Variants in FBRSL1 observed in about 807,000 individuals in gnomAD.
FBRSL1 encodes fibrosin-1-like protein.
Under a neutral mutation model 89.6 loss-of-function variants are expected in FBRSL1, and 51 were observed. The observed-to-expected ratio is 0.57, with a 90% confidence interval of 0.45 to 0.72. The LOEUF (loss-of-function observed/expected upper bound fraction) is 0.72, where lower values mean the gene tolerates loss of function less well. Among genes scored for constraint, FBRSL1 ranks in the 30% least tolerant of loss-of-function variants. The pLI is 0.00. For synonymous variants in FBRSL1, 779 were observed against 681.1 expected, an observed-to-expected ratio of 1.14 and a Z score of -2.24; for missense variants, 1,618 against 1,451.8, an observed-to-expected ratio of 1.11 and a Z score of -1.86.
At position 132,574,085 on chromosome 12, in the gene FBRSL1, C is replaced by T. The variant is rs1422825356; in HGVS notation, c.1531-5C>T. Reference sequence around the variant, plus strand: ...CGCACACAAGCTGTCTCTTTCTCCCCTCAGACTTCAAGCCCCATTGAGGTG... The same window carrying T: ...CGCACACAAGCTGTCTCTTTCTCCCTTCAGACTTCAAGCCCCATTGAGGTG... On this transcript the variant is annotated splice_polypyrimidine_tract_variant and splice_region_variant and intron_variant, in intron 11 of 18. Transcript: ENST00000680143. 1.5e-6 allele frequency: 2 copies of T among 1,302,958 alleles called. No individual in the cohort carries two copies. Among genetic ancestry groups the T allele is most frequent in the Non-Finnish European group, 1.9e-6 (2 of 1,027,542 alleles). The allele number at this position is 1,302,958 out of a possible 1,614,324, so 80.7% of individuals were successfully genotyped here. A position where few individuals can be genotyped will look rare whatever the true frequency, so the allele number is the denominator to read the frequency against.
intron 4 of FBRSL1, among the ~76,000 whole-genome samples, chr12:132,531,548 TGC>T (rs1593368123): frequency 7.6e-6 from 1 of 132,286 alleles, no homozygotes; most frequent in African/African-American, 2.6e-5. Context: ...CCTCTGTGTG[TGC>T]GTGTGTGTGT....
At chr12:132,548,726 G>A (rs770685763) in intron 5 of FBRSL1, among the ~76,000 whole-genome samples, 5 of 152,188 alleles carry the variant, frequency 3.3e-5, no homozygotes, top group Non-Finnish European at 5.9e-5. Context: ...GTCCCGGCCC[G>A]TAACCACTGC....
chr12:132,575,420 G>A (rs1293368608), intron 14 of FBRSL1, among the ~76,000 whole-genome samples: 1 of 152,164 alleles, frequency 6.6e-6, no homozygotes, highest in Admixed American at 6.5e-5. Context: ...GTAGAGACGG[G>A]GTTTCACCAT....
At chr12:132,526,810 C>A (rs1358260676) in intron 3 of FBRSL1, among the ~76,000 whole-genome samples, 1 of 152,184 alleles carries the variant, frequency 6.6e-6, no homozygotes, top group Non-Finnish European at 1.5e-5. Flanking sequence ...ACTTGCCCAG[C>A]TCAGTGACCC....
intron 5 of FBRSL1, chr12:132,551,909 T>G (rs928563558): frequency 6.8e-6 from 2 of 292,554 alleles, no homozygotes; most frequent in South Asian, 3.2e-5. Context: ...CTCCTCCTGC[T>G]GCCGGGGGCT....
intron 5 of FBRSL1, among the ~76,000 whole-genome samples, chr12:132,557,357 C>T (rs987480863): frequency 1.3e-5 from 2 of 152,240 alleles, no homozygotes; most frequent in South Asian, 2.1e-4. Context: ...ATTCCCACTC[C>T]GCTTCCTTCT....
At chr12:132,527,834 A>AGCTGCAGG in intron 3 of FBRSL1, 119 bp from the exon 4 acceptor site, 1 of 868,230 alleles carries the variant, frequency 1.2e-6, no homozygotes, top group Non-Finnish European at 1.8e-6. Flanking sequence ...CAGGGCTGTG[A>AGCTGCAGG]GCTGCAGGGC....
intron 2 of FBRSL1, among the ~76,000 whole-genome samples, chr12:132,525,101 C>T (rs993392959): frequency 6.6e-6 from 1 of 152,194 alleles, no homozygotes; most frequent in Non-Finnish European, 1.5e-5. Context: ...AGTATGGGTG[C>T]TCCCTTCAGC....
chr12:132,503,223 T>A (rs1593254515), intron 1 of FBRSL1, among the ~76,000 whole-genome samples: 1 of 150,422 alleles, frequency 6.6e-6, no homozygotes, highest in East Asian at 2.0e-4. Flanking sequence ...GCAGCCACCA[T>A]GCTTTTGGTG....
intron 2 of FBRSL1, chr12:132,509,774 C>T (rs2136611834): frequency 8.1e-7 from 1 of 1,231,428 alleles, no homozygotes. Context: ...GTAGGGCATC[C>T]TCAGGACAGC....
At chr12:132,508,428 C>T (rs1156229915) in intron 2 of FBRSL1, 78 bp downstream of exon 2, 7 of 1,404,818 alleles carry the variant, frequency 5.0e-6, no homozygotes, top group Non-Finnish European at 6.5e-6. Context: ...AGCACCTGGA[C>T]ACCACGCCAC....
intron 1 of FBRSL1, among the ~76,000 whole-genome samples, chr12:132,504,993 G>A (rs947853753): frequency 1.1e-4 from 16 of 152,186 alleles, no homozygotes; most frequent in Admixed American, 2.6e-4. Flanking sequence ...TTAGCTGGGC[G>A]TGGTGACCTG....
chr12:132,513,881 G>A (rs1404067612), intron 2 of FBRSL1, among the ~76,000 whole-genome samples: 1 of 152,216 alleles, frequency 6.6e-6, no homozygotes, highest in Non-Finnish European at 1.5e-5. Context: ...CAGGGAGGGA[G>A]GGGTGTGAGC....
intron 9 of FBRSL1, 75 bp from the exon 10 acceptor site, chr12:132,572,213 C>A: frequency 7.1e-7 from 1 of 1,400,994 alleles, no homozygotes; most frequent in Non-Finnish European, 9.8e-7. Flanking sequence ...CCCAGCCCGG[C>A]CAGGTGGGCG....
intron 2 of FBRSL1, chr12:132,510,004 AG>A: frequency 8.1e-7 from 1 of 1,231,440 alleles, no homozygotes. Flanking sequence ...CGCCCCAGGC[AG>A]CCCCAGCGGT....
chr12:132,572,096 C>T, intron 9 of FBRSL1, 192 bp from the exon 10 acceptor site: 1 of 598,086 alleles, frequency 1.7e-6, no homozygotes, highest in South Asian at 2.0e-5. Flanking sequence ...GCAGGGCCGC[C>T]CTGGTCTGAG....
At position 132,583,878 on chromosome 12, in the gene FBRSL1, C is replaced by A; in HGVS notation, c.*100C>A. Reference sequence around the variant, plus strand: ...ACAGCTCCCGCCGATCCTGGGGCGGCGCCGCCTCTCCACCCGCAGCCTGCG... The same window carrying A: ...ACAGCTCCCGCCGATCCTGGGGCGGAGCCGCCTCTCCACCCGCAGCCTGCG... On this transcript the variant is annotated 3_prime_UTR_variant, in exon 19 of 19. Coordinates refer to ENST00000680143, the MANE Select transcript of FBRSL1 (RefSeq NM_001367871.1). 1 of 624,720 alleles carries A rather than the reference C, an allele frequency of 1.6e-6. No individual in the cohort carries two copies. The highest frequency in any genetic ancestry group is 2.1e-6 in the Non-Finnish European group (1 of 469,736). 38.7% of individuals were successfully genotyped at this position (624,720 alleles called of 1,614,324 possible).
chr12:132,572,917 C>T (rs1389682439), intron 11 of FBRSL1, among the ~76,000 whole-genome samples: 2 of 152,228 alleles, frequency 1.3e-5, no homozygotes, highest in African/African-American at 2.4e-5. Context: ...CAGTCCTTGG[C>T]AGGAGGCCCT....
intron 5 of FBRSL1, among the ~76,000 whole-genome samples, chr12:132,548,899 A>G (rs2037916728): frequency 6.6e-6 from 1 of 152,208 alleles, no homozygotes; most frequent in Admixed American, 6.5e-5. Flanking sequence ...GCCCTGAGCC[A>G]GGGAGACGCT....
Sources: allele counts gnomAD v4.1 joint callset (sites outside exome capture counted in the v4.1 genomes callset), GRCh38; gene constraint gnomAD v4.1.1; transcripts MANE v1.5; gene names NCBI Gene and HGNC (gene_info 2026-07-23, HGNC 2026-07-21).